TENM2: variants seen among roughly 807,000 people sequenced by gnomAD.
TENM2 encodes teneurin transmembrane protein 2, also known as teneurin-2.
TENM2 carries 52 observed loss-of-function variants against 245.2 expected under a neutral mutation model. That is an observed-to-expected ratio of 0.21 (90% confidence interval 0.17 to 0.27). The LOEUF (loss-of-function observed/expected upper bound fraction) is 0.27, where lower values mean the gene tolerates loss of function less well. TENM2 is among the 10% of genes least tolerant of loss of function. The probability of loss-of-function intolerance (pLI) is 1.00; values close to 1 mark genes in which losing one functional copy is unlikely to be tolerated. For synonymous variants in TENM2, 1,363 were observed against 1,438.9 expected (o/e 0.95, Z 1.19); for missense variants, 3,046 against 3,666.8 (o/e 0.83, Z 4.37).
intron 2 of TENM2, among the ~76,000 whole-genome samples, chr5:167,537,320 A>G (rs1771920527): frequency 1.3e-5 from 2 of 152,096 alleles, no homozygotes; most frequent in African/African-American, 4.8e-5. Flanking sequence ...TAAGAGAACA[A>G]TGGTGTCAGG....
At chr5:167,101,980 C>A in the TENM2 span, among the ~76,000 whole-genome samples, 1 of 140,188 alleles carries the variant, frequency 7.1e-6, no homozygotes. Flanking sequence ...AATCTCAGCA[C>A]TTTGAGAGGA....
chr5:167,448,755 G>A (rs550751043), intron 2 of TENM2, among the ~76,000 whole-genome samples: 8 of 151,920 alleles, frequency 5.3e-5, no homozygotes, highest in African/African-American at 1.4e-4. Context: ...ATAGGAACTC[G>A]AATTCCTTAA....
intron 19 of TENM2, among the ~76,000 whole-genome samples, chr5:168,205,161 T>G (rs1055534593): frequency 2.0e-5 from 3 of 152,088 alleles, no homozygotes; most frequent in African/African-American, 7.2e-5. Flanking sequence ...CCCTAAAAGC[T>G]CTTAGACATG....
chr5:168,135,509 A>G (rs192235748), intron 12 of TENM2, among the ~76,000 whole-genome samples: 7 of 152,296 alleles, frequency 4.6e-5, no homozygotes, highest in Admixed American at 2.6e-4. Context: ...CCTTTTCACC[A>G]TGCACTTATA....
chr5:168,011,944 G>T (rs1005388674), intron 5 of TENM2, among the ~76,000 whole-genome samples: 3 of 152,162 alleles, frequency 2.0e-5, no homozygotes, highest in East Asian at 3.9e-4. Context: ...AGAGAAAGAG[G>T]TTCAGAGAGG....
chr5:168,190,631 G>A (rs995029868), intron 14 of TENM2, 84 bp downstream of exon 16: 2 of 1,315,014 alleles, frequency 1.5e-6, no homozygotes, highest in African/African-American at 1.5e-5. Context: ...AGCTTTCCCG[G>A]GGACCCAATT....
chr5:167,622,321 A>G (rs1358319359), intron 2 of TENM2, among the ~76,000 whole-genome samples: 2 of 152,176 alleles, frequency 1.3e-5, no homozygotes, highest in Non-Finnish European at 2.9e-5. Context: ...ATAAAAGCGT[A>G]GCAATATAAA....
intron 2 of TENM2, among the ~76,000 whole-genome samples, chr5:167,796,799 G>C (rs56000978): frequency 0.061 from 9,271 of 152,200 alleles, 341 homozygotes; most frequent in Middle Eastern, 0.11. Context: ...GGGAGTTGCT[G>C]TTAACATGGG....
intron 15 of TENM2, among the ~76,000 whole-genome samples, chr5:168,196,738 A>G (rs1413150454): frequency 5.3e-5 from 8 of 152,218 alleles, no homozygotes; most frequent in Admixed American, 5.2e-4. Context: ...CTGGGATTAC[A>G]GGCGTGAGCC....
At chr5:167,658,508 C>A (rs1309068095) in intron 2 of TENM2, among the ~76,000 whole-genome samples, 2 of 152,104 alleles carry the variant, frequency 1.3e-5, no homozygotes, top group African/African-American at 4.8e-5. Context: ...TAATCCCATT[C>A]ATGGCAGTTC....
intron 12 of TENM2, among the ~76,000 whole-genome samples, chr5:168,151,530 G>A (rs1756655143): frequency 6.6e-6 from 1 of 152,200 alleles, no homozygotes. Flanking sequence ...TCATTTAAAT[G>A]TCAGCGACCC....
intron 2 of TENM2, among the ~76,000 whole-genome samples, chr5:167,555,179 A>G (rs1336815497): frequency 6.6e-6 from 1 of 152,130 alleles, no homozygotes; most frequent in Non-Finnish European, 1.5e-5. Context: ...AGCTCTGTCT[A>G]CTTTCTCAGA....
intron 2 of TENM2, among the ~76,000 whole-genome samples, chr5:167,816,255 C>T (rs1315475361): frequency 6.6e-6 from 1 of 152,076 alleles, no homozygotes; most frequent in African/African-American, 2.4e-5. Flanking sequence ...CCTGTATTCC[C>T]TTTGATCTCT....
At chr5:167,428,060 T>A (rs1307506254) in intron 2 of TENM2, among the ~76,000 whole-genome samples, 2 of 152,224 alleles carry the variant, frequency 1.3e-5, no homozygotes, top group Non-Finnish European at 2.9e-5. Flanking sequence ...CAGAATTTTC[T>A]CTATTCCCTC....
chr5:168,004,498 TGCACGCATGCGCGC>T (rs61538575), intron 5 of TENM2, among the ~76,000 whole-genome samples: 64 of 106,344 alleles, frequency 6.0e-4, no homozygotes, highest in African/African-American at 2.2e-3. Context: ...CCATTTGGGA[TGCACGCATGCGCGC>T]GCGCGCACAC....
At chr5:167,468,212 C>T (rs1766795559) in intron 2 of TENM2, among the ~76,000 whole-genome samples, 1 of 152,204 alleles carries the variant, frequency 6.6e-6, no homozygotes, top group African/African-American at 2.4e-5. Context: ...TCTGGGATTA[C>T]AGGCGTGAGC....
chr5:168,084,284 T>G (rs544189651), intron 7 of TENM2, among the ~76,000 whole-genome samples: 1 of 152,354 alleles, frequency 6.6e-6, no homozygotes, highest in East Asian at 1.9e-4. Flanking sequence ...AGTAACAGGA[T>G]TACTGAGTTG....
intron 2 of TENM2, among the ~76,000 whole-genome samples, chr5:167,682,916 G>T (rs564195187): frequency 6.6e-6 from 1 of 152,280 alleles, no homozygotes; most frequent in African/African-American, 2.4e-5. Flanking sequence ...TTTGTCCTTT[G>T]TTGTTTTATT....
chr5:167,358,827 A>G (rs1685346445), intron 1 of TENM2, among the ~76,000 whole-genome samples: 1 of 146,400 alleles, frequency 6.8e-6, no homozygotes, highest in Non-Finnish European at 1.5e-5. Flanking sequence ...ACACACACAC[A>G]CACACACACA....
Sources: gnomAD v4.1 joint callset for allele counts (sites outside exome capture counted in the v4.1 genomes callset) on GRCh38, gnomAD v4.1.1 for gene constraint, MANE v1.5 for transcripts, NCBI Gene and HGNC (gene_info 2026-07-23, HGNC 2026-07-21) for gene names.